Variants in PCGF5 observed in about 807,000 individuals in gnomAD.
PCGF5 encodes polycomb group ring finger 5, also known as polycomb group RING finger protein 5.
Under a neutral mutation model 44.3 loss-of-function variants are expected in PCGF5, and 9 were observed. That is an observed-to-expected ratio of 0.20 (90% CI 0.12 to 0.35). The LOEUF (loss-of-function observed/expected upper bound fraction) is 0.35. Ranked by LOEUF, PCGF5 falls within the 10% of genes least tolerant of loss-of-function variation. The pLI is 1.00. For synonymous variants in PCGF5, 95 were observed against 102.5 expected (o/e 0.93, Z 0.44); for missense variants, 146 against 305.3 (o/e 0.48, Z 3.89).
chr10:91,173,685 A>C (rs555407393), intron 1 of PCGF5, among the ~76,000 whole-genome samples: 2 of 151,680 alleles, frequency 1.3e-5, no homozygotes, highest in Admixed American at 1.3e-4. Context: ...CAAGATCAAA[A>C]GTATAATATT....
chr10:91,169,748 G>A (rs1843570362), intron 1 of PCGF5, among the ~76,000 whole-genome samples: 1 of 152,184 alleles, frequency 6.6e-6, no homozygotes, highest in African/African-American at 2.4e-5. Flanking sequence ...ATCCCAGCAA[G>A]TTATTTTGTA....
chr10:91,179,843 A>T (rs1843786693), intron 1 of PCGF5, among the ~76,000 whole-genome samples: 1 of 152,134 alleles, frequency 6.6e-6, no homozygotes, highest in South Asian at 2.1e-4. Flanking sequence ...AGAATTATTT[A>T]TATTCCTTTG....
chr10:91,227,483 A>T (rs1203793773), intron 2 of PCGF5: 5 of 1,280,030 alleles, frequency 3.9e-6, no homozygotes, highest in Non-Finnish European at 5.1e-6. Context: ...CACTAACAAA[A>T]CTGGGCAAAG....
intron 5 of PCGF5, 118 bp from the exon 6 acceptor site, chr10:91,251,174 C>A: frequency 4.5e-6 from 3 of 670,370 alleles, no homozygotes; most frequent in Non-Finnish European, 4.6e-6. Flanking sequence ...AGTTCTTCTT[C>A]AAAAACTGTT....
At chr10:91,199,789 TAAAC>T (rs60196419) in intron 1 of PCGF5, among the ~76,000 whole-genome samples, 23,562 of 151,956 alleles carry the variant, frequency 0.16, 2,318 homozygotes, top group East Asian at 0.41. Context: ...GTGGAGTAAA[TAAAC>T]AAAGGAGAAT....
chr10:91,156,394 T>C, the PCGF5 span, among the ~76,000 whole-genome samples: 8 of 152,262 alleles, frequency 5.3e-5, no homozygotes, highest in East Asian at 1.4e-3. Flanking sequence ...AGAAATAAAA[T>C]AACTGTAGTA....
At chr10:91,201,243 C>T (rs1278740907) in intron 1 of PCGF5, among the ~76,000 whole-genome samples, 3 of 152,068 alleles carry the variant, frequency 2.0e-5, no homozygotes, top group Non-Finnish European at 4.4e-5. Flanking sequence ...GCCTTCTTGC[C>T]GGTGGAGACC....
chr10:91,157,927 T>C, the PCGF5 span, among the ~76,000 whole-genome samples: 3 of 152,192 alleles, frequency 2.0e-5, no homozygotes, highest in East Asian at 5.8e-4. Context: ...TTAGAGGAAG[T>C]AGAAGGTAGA....
rs144071656 is a variant in PCGF5, at chr10:91,178,688, C to A, written c.-184+15607C>A. The stretch of plus-strand genomic sequence containing the variant: ...ACAGGTGTGAGCCCCTGCACCTGGC[C>A]TGCTGTTTCTCATTTTAAACGTAGT... On this transcript the variant is annotated intron_variant, in intron 1 of 9. Coordinates refer to the PCGF5 transcript ENST00000614189. Among the ~76,000 whole-genome samples, 806 of 152,074 alleles carry A rather than the reference C, an allele frequency of 5.3e-3. 10 individuals are homozygous for A. The highest frequency in any genetic ancestry group is 0.018 in the African/African-American group (748 of 41,462).
chr10:91,233,364 C>CT (rs1402891168), intron 2 of PCGF5, among the ~76,000 whole-genome samples: 5 of 152,078 alleles, frequency 3.3e-5, no homozygotes, highest in Non-Finnish European at 7.4e-5. Context: ...TTTCCTAACC[C>CT]TGTTCAAGCA....
intron 1 of PCGF5, among the ~76,000 whole-genome samples, chr10:91,208,570 A>C (rs1360963590): frequency 6.6e-6 from 1 of 152,144 alleles, no homozygotes; most frequent in Admixed American, 6.5e-5. Context: ...GCCAAAACAC[A>C]TTGCTCTCCC....
chr10:91,266,809 A>T (rs192139135), intron 8 of PCGF5, among the ~76,000 whole-genome samples: 2 of 152,052 alleles, frequency 1.3e-5, no homozygotes, highest in East Asian at 3.9e-4. Flanking sequence ...AAATTCTGTA[A>T]CCTTCACCAT....
chr10:91,180,923 C>A (rs945550735), intron 1 of PCGF5, among the ~76,000 whole-genome samples: 1 of 152,168 alleles, frequency 6.6e-6, no homozygotes, highest in Non-Finnish European at 1.5e-5. Flanking sequence ...AGCATTGAAT[C>A]TATAAATTGC....
chr10:91,207,013 C>T (rs1226163934), intron 1 of PCGF5, among the ~76,000 whole-genome samples: 1 of 152,100 alleles, frequency 6.6e-6, no homozygotes, highest in Non-Finnish European at 1.5e-5. Flanking sequence ...ATGCAAGGTC[C>T]GTGAGAACAG....
At chr10:91,163,013 C>CCACGCGCGCG (rs1208002448) in exon 1 of PCGF5, 1 of 146,476 alleles carries the variant, frequency 6.8e-6, no homozygotes, top group African/African-American at 2.5e-5. Context: ...ACCTACCGCC[C>CCACGCGCGCG]CACGCGCGCG....
chr10:91,189,823 G>A (rs1041038115), intron 1 of PCGF5, among the ~76,000 whole-genome samples: 3 of 152,148 alleles, frequency 2.0e-5, no homozygotes, highest in Non-Finnish European at 4.4e-5. Flanking sequence ...TATTGAACAC[G>A]TCTATATTTT....
At chr10:91,259,073 A>G (rs1054456872) in intron 6 of PCGF5, among the ~76,000 whole-genome samples, 2 of 152,104 alleles carry the variant, frequency 1.3e-5, no homozygotes, top group Non-Finnish European at 2.9e-5. Context: ...TATTATGTCT[A>G]CAACCTCATT....
At chr10:91,225,268 T>G (rs1844794716) in intron 2 of PCGF5, among the ~76,000 whole-genome samples, 1 of 147,516 alleles carries the variant, frequency 6.8e-6, no homozygotes, top group Admixed American at 6.8e-5. Context: ...TATATGTATA[T>G]ACGATATATA....
chr10:91,247,462 A>C (rs1367838300), intron 3 of PCGF5, among the ~76,000 whole-genome samples: 1 of 152,030 alleles, frequency 6.6e-6, no homozygotes, highest in South Asian at 2.1e-4. Flanking sequence ...AAACAGAATA[A>C]TAGTTTGAAA....
Sources: gnomAD v4.1 joint callset for allele counts (sites outside exome capture counted in the v4.1 genomes callset) on GRCh38, gnomAD v4.1.1 for gene constraint, MANE v1.5 for transcripts, NCBI Gene and HGNC (gene_info 2026-07-23, HGNC 2026-07-21) for gene names.